The following USP15 variants were observed in gnomAD, a reference collection of about 807,000 sequenced individuals.
The protein encoded by USP15 is ubiquitin carboxyl-terminal hydrolase 15.
USP15 carries 18 observed loss-of-function variants against 127.1 expected under a neutral mutation model. That is an observed-to-expected ratio of 0.14 (90% CI 0.10 to 0.21). USP15 has a LOEUF of 0.21. Among genes scored for constraint, USP15 ranks in the 10% least tolerant of loss-of-function variants. The pLI is 1.00. For missense variants in USP15, 805 were observed against 1,159.9 expected (o/e 0.69, Z 4.44); for synonymous variants, 364 against 393.7 (o/e 0.92, Z 0.89).
chr12:62,343,077 G>A (rs2065696288), intron 6 of USP15, among the ~76,000 whole-genome samples: 1 of 152,166 alleles, frequency 6.6e-6, no homozygotes, highest in African/African-American at 2.4e-5. Flanking sequence ...GTAAGCCCCT[G>A]GCTGGGGCTG....
Position 62,260,431 on chromosome 12 carries a change from C to T in USP15, c.17C>T (p.Ala6Val), listed in dbSNP as rs766235581. MAEGG[A>V]ADLDTQRSDI... ...TGGAAGAAGATGGCGGAAGGCGGAG[C>T]GGCGGATCTGGACACCCAGCGGTCT... is the stretch of plus-strand genomic sequence containing the variant. The change falls in exon 1 of 22, where the codon GCG becomes GTG. Residue 6 changes from alanine to valine, a missense_variant. By Grantham distance (64) the Ala-to-Val change is moderately conservative. Around this residue, in one of 11 missense-constraint regions of USP15, gnomAD observed 45 missense variants for 37.8 expected, o/e 1.19. Coordinates refer to ENST00000280377, the MANE Select transcript of USP15 (RefSeq NM_001252078.2). The T allele has an allele frequency of 5.8e-6, 9 of 1,551,508 alleles. No homozygotes were observed. The highest frequency in any genetic ancestry group is 7.8e-6 in the Non-Finnish European group (9 of 1,147,634).
chr12:62,279,371 T>C (rs1208882309), intron 1 of USP15, among the ~76,000 whole-genome samples: 1 of 152,142 alleles, frequency 6.6e-6, no homozygotes, highest in Admixed American at 6.6e-5. Flanking sequence ...TCTTTATTCT[T>C]TCATCCATCA....
intron 3 of USP15, chr12:62,312,253 T>A: frequency 6.0e-6 from 2 of 332,212 alleles, no homozygotes; most frequent in South Asian, 4.6e-5. Context: ...TAGATTTTTT[T>A]AGAAATTACT....
At chr12:62,292,540 G>A (rs749678434) in intron 1 of USP15, among the ~76,000 whole-genome samples, 4 of 152,214 alleles carry the variant, frequency 2.6e-5, no homozygotes, top group African/African-American at 7.2e-5. Context: ...TCCCATGGGA[G>A]CAGCAATTAC....
At chr12:62,271,417 G>A (rs1290830266) in intron 1 of USP15, among the ~76,000 whole-genome samples, 1 of 151,932 alleles carries the variant, frequency 6.6e-6, no homozygotes, top group Non-Finnish European at 1.5e-5. Flanking sequence ...TTAGGTGCTT[G>A]TTTTGATGGT....
At chr12:62,288,514 A>G (rs2063850364) in intron 1 of USP15, among the ~76,000 whole-genome samples, 1 of 152,062 alleles carries the variant, frequency 6.6e-6, no homozygotes, top group African/African-American at 2.4e-5. Flanking sequence ...GAATCTTTAG[A>G]GTTATCTAGG....
rs1021507190 is a variant in USP15, at chr12:62,294,443, A to T, written c.217+137A>T. The T allele has an allele frequency of 4.5e-6, 4 of 888,158 alleles. No individual in the cohort carries two copies. In the South Asian group the frequency reaches 6.1e-5, roughly 14 times the overall value. 55.0% of individuals were successfully genotyped at this position (888,158 alleles called of 1,614,324 possible). A position where few individuals can be genotyped will look rare whatever the true frequency, so the allele number is the denominator to read the frequency against. On this transcript the variant is annotated intron_variant, in intron 2 of 21. Coordinates refer to ENST00000280377, the MANE Select transcript of USP15 (RefSeq NM_001252078.2). Reference sequence around the variant, plus strand: ...ATTACAGATTTTACCTAATGAACTCATTATTCTAATAAGTTATTAAAAATT... The same window carrying T: ...ATTACAGATTTTACCTAATGAACTCTTTATTCTAATAAGTTATTAAAAATT...
chr12:62,316,802 T>G (rs370635288), intron 4 of USP15, among the ~76,000 whole-genome samples: 7 of 152,056 alleles, frequency 4.6e-5, no homozygotes, highest in African/African-American at 1.7e-4. Flanking sequence ...TGGGTTCTCA[T>G]GATAAGAACT....
intron 1 of USP15, among the ~76,000 whole-genome samples, chr12:62,262,058 G>A (rs2063080656): frequency 6.6e-6 from 1 of 151,968 alleles, no homozygotes; most frequent in South Asian, 2.1e-4. Flanking sequence ...GGGCACCATG[G>A]TGAAACCCCG....
At chr12:62,350,623 A>G (rs2065940336) in intron 7 of USP15, among the ~76,000 whole-genome samples, 1 of 152,114 alleles carries the variant, frequency 6.6e-6, no homozygotes, top group Non-Finnish European at 1.5e-5. Flanking sequence ...AAGGAATTAA[A>G]TAAGGGACAA....
At chr12:62,360,867 G>A (rs1414742405) in intron 8 of USP15, among the ~76,000 whole-genome samples, 1 of 151,694 alleles carries the variant, frequency 6.6e-6, no homozygotes, top group Non-Finnish European at 1.5e-5. Context: ...TTCATGTTAT[G>A]TGCCAGAAAT....
intron 20 of USP15, among the ~76,000 whole-genome samples, chr12:62,400,383 G>C (rs2067644540): frequency 1.3e-5 from 2 of 151,986 alleles, no homozygotes. Context: ...ACTTGTATGT[G>C]TAGATTATTT....
At chr12:62,356,697 T>C (rs2066142642) in intron 8 of USP15, among the ~76,000 whole-genome samples, 1 of 152,050 alleles carries the variant, frequency 6.6e-6, no homozygotes, top group Admixed American at 6.6e-5. Flanking sequence ...ATAGTGTGAA[T>C]TACTTTATTC....
rs193182760 is a variant in USP15, at chr12:62,387,993, G to T, written c.1474-1438G>T. On this transcript the variant is annotated intron_variant, in intron 11 of 21. Coordinates refer to ENST00000280377, the MANE Select transcript of USP15 (RefSeq NM_001252078.2). ...AGAAAAGTACCTATGTGGATTCAAA[G>T]AAGTTAGTAGAACAGGAAGTTGGAG... Among the ~76,000 whole-genome samples, 15 of 152,198 alleles carry T rather than the reference G, an allele frequency of 9.9e-5. No homozygotes were observed. In the East Asian group the frequency reaches 1.9e-3, roughly 20 times the overall value.
At position 62,271,201 on chromosome 12, in the gene USP15, GA is replaced by G. The variant is rs560949941; in HGVS notation, c.89+10704del. 1.3e-4 allele frequency among the ~76,000 whole-genome samples: 19 copies of G among 151,964 alleles called. No individual in the cohort carries two copies. In the East Asian group the frequency reaches 3.7e-3, roughly 29 times the overall value. On this transcript the variant is annotated intron_variant, in intron 1 of 21. Transcript: ENST00000280377. ...CTAAACTCACATTAATCCTTCAAAT[GA>G]AAAAATCGTCACATCATACCCTTTA...
intron 8 of USP15, among the ~76,000 whole-genome samples, chr12:62,363,095 G>A (rs1379758894): frequency 2.0e-5 from 3 of 152,110 alleles, no homozygotes; most frequent in Admixed American, 6.6e-5. Context: ...AGATTTTAAT[G>A]TTACAAAGGC....
rs1233368625 is a variant in USP15, at chr12:62,413,938, C to T, written c.*9563C>T. ...TTGAGAGAGAGAGAGAGATGTACAG[C>T]TCTTCACCTGAACATTTAGAGGCCA... On this transcript the variant is annotated 3_prime_UTR_variant, in exon 22 of 22. Transcript: ENST00000280377. 1 of 152,146 alleles carries T rather than the reference C, an allele frequency of 6.6e-6. No individual in the cohort carries two copies. The highest frequency in any genetic ancestry group is 2.1e-4 in the South Asian group (1 of 4,832). 9.4% of individuals were successfully genotyped at this position (152,146 alleles called of 1,614,324 possible).
At chr12:62,325,725 A>G (rs2065105952) in intron 5 of USP15, 147 bp from the exon 6 acceptor site, 2 of 560,174 alleles carry the variant, frequency 3.6e-6, no homozygotes, top group Admixed American at 3.7e-5. Flanking sequence ...TGGAATCGAA[A>G]TGCAGATTAC....
At chr12:62,370,692 C>T (rs1296963391) in intron 8 of USP15, among the ~76,000 whole-genome samples, 3 of 152,064 alleles carry the variant, frequency 2.0e-5, no homozygotes, top group Admixed American at 6.6e-5. Context: ...GTTCCTTGTA[C>T]CCCCTTTACC....
Sources: gnomAD v4.1 joint callset for allele counts (sites outside exome capture counted in the v4.1 genomes callset) on GRCh38, gnomAD v4.1.1 for gene constraint, gnomAD v4.1.1 regional missense constraint, MANE v1.5 for transcripts, NCBI Gene and HGNC (gene_info 2026-07-23, HGNC 2026-07-21) for gene names.